Variants in PDS5B observed in about 807,000 individuals in gnomAD.
PDS5B encodes PDS5 cohesin associated factor B, also known as sister chromatid cohesion protein PDS5 homolog B.
Under a neutral mutation model 184.1 loss-of-function variants are expected in PDS5B, and 51 were observed. That is an observed-to-expected ratio of 0.28 (90% CI 0.22 to 0.35). The LOEUF is 0.35. Among genes scored for constraint, PDS5B ranks in the 10% least tolerant of loss-of-function variants. The pLI, the probability that PDS5B is intolerant of heterozygous loss-of-function variation, is 1.00. For missense variants in PDS5B, 1,180 were observed against 1,723.3 expected, an observed-to-expected ratio of 0.68 and a Z score of 5.58; for synonymous variants, 566 against 569.2, an observed-to-expected ratio of 0.99 and a Z score of 0.08.
chr13:32,718,057 T>C (rs1244059001), intron 19 of PDS5B, among the ~76,000 whole-genome samples: 5 of 152,172 alleles, frequency 3.3e-5, no homozygotes, highest in Non-Finnish European at 7.3e-5. Flanking sequence ...GTTGGTACAA[T>C]ATTAGTAAGC....
chr13:32,705,708 C>T, intron 17 of PDS5B, among the ~76,000 whole-genome samples: 1 of 152,096 alleles, frequency 6.6e-6, no homozygotes, highest in Non-Finnish European at 1.5e-5. Flanking sequence ...GAGATAGGGT[C>T]TCACTCTGCC....
rs998289998 is a variant in PDS5B, at chr13:32,773,129, A to G, written c.4173-60A>G. ...TGAAATACGTGAAACATTTCTTCTA[A>G]CGAGGTAATCTACTGAAAGATTGGA... On this transcript the variant is annotated intron_variant, in intron 33 of 34. Transcript: ENST00000315596. The G allele has an allele frequency of 1.2e-5, 17 of 1,419,974 alleles. No individual in the cohort carries two copies. In the Admixed American group the frequency reaches 3.9e-4, roughly 33 times the overall value. The allele number at this position is 1,419,974 out of a possible 1,614,324, so 88.0% of individuals were successfully genotyped here.
chr13:32,721,739 C>T (rs1305318547), intron 19 of PDS5B, among the ~76,000 whole-genome samples: 12 of 151,122 alleles, frequency 7.9e-5, no homozygotes, highest in Admixed American at 2.0e-4. Flanking sequence ...CGGGAAGAGG[C>T]GCTCCTCACT....
At chr13:32,606,337 G>A (rs1593251611) in intron 1 of PDS5B, among the ~76,000 whole-genome samples, 1 of 152,132 alleles carries the variant, frequency 6.6e-6, no homozygotes, top group Non-Finnish European at 1.5e-5. Flanking sequence ...GCTTAGTTTG[G>A]CTGGATATGA....
intron 6 of PDS5B, among the ~76,000 whole-genome samples, chr13:32,661,410 A>AAAAAAAAAAAAG (rs1950643818): frequency 7.5e-6 from 1 of 133,636 alleles, no homozygotes; most frequent in Non-Finnish European, 1.6e-5. Context: ...AAAAAAAAAA[A>AAAAAAAAAAAAG]CAGAAAAAGA....
chr13:32,681,515 C>T (rs1349039030), intron 10 of PDS5B, among the ~76,000 whole-genome samples: 1 of 151,802 alleles, frequency 6.6e-6, no homozygotes, highest in African/African-American at 2.4e-5. Flanking sequence ...TCGCAGCTAC[C>T]CGGGAGGCTG....
At chr13:32,599,741 C>T (rs1372290501) in intron 1 of PDS5B, among the ~76,000 whole-genome samples, 1 of 151,824 alleles carries the variant, frequency 6.6e-6, no homozygotes, top group African/African-American at 2.4e-5. Flanking sequence ...GGTGAAACCC[C>T]GTCTACTAAA....
chr13:32,657,455 C>T (rs1313488076), intron 3 of PDS5B, among the ~76,000 whole-genome samples: 6 of 152,154 alleles, frequency 3.9e-5, no homozygotes, highest in African/African-American at 9.7e-5. Context: ...CTATCAGTGT[C>T]GTTGCATATG....
chr13:32,760,243 C>CA (rs1262999126), intron 29 of PDS5B, among the ~76,000 whole-genome samples: 1 of 152,234 alleles, frequency 6.6e-6, no homozygotes, highest in Admixed American at 6.5e-5. Context: ...GCGTGAGCCA[C>CA]TGCACCCGGC....
chr13:32,760,617 T>C lies in PDS5B; in HGVS notation c.3415T>C (p.Ser1139Pro), dbSNP rs753687272. ...TCTAGGAGCTGTTAACAAGCCACTTTCATCAGCAGGCAAGCAATCTCAGAC... is the reference window on the plus strand; with the variant it reads ...TCTAGGAGCTGTTAACAAGCCACTTCCATCAGCAGGCAAGCAATCTCAGAC... ...NVLGAVNKPL[S>P]SAGKQSQTKS... The change falls in exon 30 of 35, where the codon TCA (serine) becomes CCA (proline). Residue 1139 changes from serine (S) to proline (P), a missense_variant. By Grantham distance (74) the Ser-to-Pro change is moderately conservative. Coordinates refer to ENST00000315596, the MANE Select transcript of PDS5B (RefSeq NM_015032.4). 1 of 1,614,014 alleles carries C rather than the reference T, an allele frequency of 6.2e-7. No homozygotes were observed. The highest frequency in any genetic ancestry group is 8.5e-7 in the Non-Finnish European group (1 of 1,179,906).
chr13:32,717,105 G>A (rs1467929008), intron 19 of PDS5B, among the ~76,000 whole-genome samples: 16 of 15,534 alleles, frequency 1.0e-3, no homozygotes, highest in Middle Eastern at 9.3e-3. Context: ...CGCCCCGTCC[G>A]GGAGGTGAGG....
At chr13:32,681,192 T>C (rs1951228688) in intron 10 of PDS5B, among the ~76,000 whole-genome samples, 1 of 152,212 alleles carries the variant, frequency 6.6e-6, no homozygotes, top group Admixed American at 6.5e-5. Context: ...GATGAGGGCT[T>C]GCGGTATCTC....
rs748965116 is a variant in PDS5B, at chr13:32,678,941, A to G, written c.1057+12A>G. Reference sequence around the variant, plus strand: ...AAAAGACTTAACAGGTACTATATATATGTAACAGCAAATATTCTTACGTGC... The same window carrying G: ...AAAAGACTTAACAGGTACTATATATGTGTAACAGCAAATATTCTTACGTGC... On this transcript the variant is annotated intron_variant, in intron 10 of 34. Coordinates refer to ENST00000315596, the MANE Select transcript of PDS5B (RefSeq NM_015032.4). 2.2e-6 allele frequency: 3 copies of G among 1,335,784 alleles called. No individual in the cohort carries two copies. Among genetic ancestry groups the G allele is most frequent in the South Asian group, 1.2e-5 (1 of 84,730 alleles). The allele number at this position is 1,335,784 out of a possible 1,614,324, so 82.7% of individuals were successfully genotyped here.
At chr13:32,634,997 G>C (rs1345721391) in intron 1 of PDS5B, among the ~76,000 whole-genome samples, 1 of 139,844 alleles carries the variant, frequency 7.2e-6, no homozygotes, top group African/African-American at 2.6e-5. Flanking sequence ...ATTTCTTACT[G>C]CCTCTTTTTT....
intron 1 of PDS5B, among the ~76,000 whole-genome samples, chr13:32,611,498 TA>T (rs1429394278): frequency 1.4e-5 from 2 of 142,838 alleles, no homozygotes; most frequent in African/African-American, 5.2e-5. Context: ...TTACTTTGGT[TA>T]AAACTTTTTT....
chr13:32,594,713 C>G (rs2057831437), intron 1 of PDS5B, among the ~76,000 whole-genome samples: 2 of 151,954 alleles, frequency 1.3e-5, no homozygotes, highest in Admixed American at 1.3e-4. Flanking sequence ...GTTTTTGTAC[C>G]CTCATGCTGC....
intron 1 of PDS5B, among the ~76,000 whole-genome samples, chr13:32,604,022 C>G (rs1035495059): frequency 6.6e-6 from 1 of 152,202 alleles, no homozygotes; most frequent in East Asian, 1.9e-4. Context: ...CATCTGCAAG[C>G]AGGGACAATT....
At chr13:32,733,026 T>C (rs1953179272) in intron 20 of PDS5B, among the ~76,000 whole-genome samples, 1 of 152,196 alleles carries the variant, frequency 6.6e-6, no homozygotes, top group Admixed American at 6.5e-5. Context: ...AAACACCATC[T>C]TTCCTGTAGA....
At chr13:32,586,722 G>T (rs1249255939) in intron 1 of PDS5B, 129 bp downstream of exon 1, 1 of 149,692 alleles carries the variant, frequency 6.7e-6, no homozygotes, top group Non-Finnish European at 1.5e-5. Context: ...CCGCCTGGGT[G>T]CCAGGCGCGA....
Sources: gnomAD v4.1 joint callset for allele counts (sites outside exome capture counted in the v4.1 genomes callset) on GRCh38, gnomAD v4.1.1 for gene constraint, MANE v1.5 for transcripts, NCBI Gene and HGNC (gene_info 2026-07-23, HGNC 2026-07-21) for gene names.